Variants in ITPRID2 observed in about 807,000 individuals in gnomAD.
The protein encoded by ITPRID2 is protein ITPRID2.
Under a neutral mutation model 124.3 loss-of-function variants are expected in ITPRID2, and 60 were observed. The ratio of observed to expected loss-of-function variants is 0.48; its 90% CI spans 0.39 to 0.60. The LOEUF is 0.60. Ranked by LOEUF, ITPRID2 falls within the 20% of genes least tolerant of loss-of-function variation. The pLI is 0.00. For missense variants in ITPRID2, 1,553 were observed against 1,512.2 expected (o/e 1.03, Z -0.45); for synonymous variants, 521 against 542.9 (o/e 0.96, Z 0.56).
chr2:181,925,605 GATTC>G (rs979275191), intron 16 of ITPRID2, among the ~76,000 whole-genome samples: 11 of 151,976 alleles, frequency 7.2e-5, no homozygotes, highest in African/African-American at 2.4e-4. Context: ...CTCTCTCATT[GATTC>G]ATTCATTCAG....
At chr2:181,899,708 G>T (rs1692503556) in intron 6 of ITPRID2, among the ~76,000 whole-genome samples, 1 of 152,162 alleles carries the variant, frequency 6.6e-6, no homozygotes, top group Non-Finnish European at 1.5e-5. Context: ...GCTGGGTATG[G>T]TGGGATCCAC....
chr2:181,905,680 C>CT lies in ITPRID2; in HGVS notation c.1413+3220dup. On this transcript the variant is annotated intron_variant, in intron 8 of 17. Transcript: ENST00000431877. The surrounding 1 kb of genome is among the most constrained non-coding windows in gnomAD (Gnocchi z 4.1). The stretch of plus-strand genomic sequence containing the variant: ...AACCATTATTGGATATACACATAAT[C>CT]TTTTTTAAGCTACTGATGTGTTAGT... Among the ~76,000 whole-genome samples the CT allele has an allele frequency of 6.6e-6, 1 of 152,230 alleles. No homozygotes were observed. The highest frequency in any genetic ancestry group is 1.5e-5 in the Non-Finnish European group (1 of 68,002).
chr2:181,896,065 G>A lies in ITPRID2; in HGVS notation c.293G>A (p.Ser98Asn), dbSNP rs774965211. The change falls in exon 3 of 18, where the codon AGT (serine) becomes AAT (asparagine). Residue 98 changes from serine (S) to asparagine (N), a missense_variant. Coordinates refer to ENST00000431877, the MANE Select transcript of ITPRID2 (RefSeq NM_001130445.3). The surrounding 1 kb of genome is among the most constrained non-coding windows in gnomAD (Gnocchi z 4.3). ...GGAGCCTCACTGGATGAACAAAGCAGTAGTACACTCAAGGGTAAGAGAAGG... is the reference window on the plus strand; with the variant it reads ...GGAGCCTCACTGGATGAACAAAGCAATAGTACACTCAAGGGTAAGAGAAGG... Reference protein sequence around the residue: ...PLGASLDEQSSSTLKGVLVRN... With the variant: ...PLGASLDEQSNSTLKGVLVRN... The A allele has an allele frequency of 2.1e-5, 34 of 1,612,730 alleles. No homozygotes were observed. The highest frequency in any genetic ancestry group is 2.9e-5 in the Non-Finnish European group (34 of 1,178,974).
chr2:181,911,574 C>G (rs1693607357), intron 9 of ITPRID2, among the ~76,000 whole-genome samples: 1 of 152,020 alleles, frequency 6.6e-6, no homozygotes, highest in African/African-American at 2.4e-5. Context: ...AGATTTTTTT[C>G]TCACTTTAAT....
In ITPRID2 at chr2:181,899,016, A is replaced by G. The variant is rs747789813; in HGVS notation, c.407A>G (p.Asn136Ser). 2.7e-5 allele frequency: 44 copies of G among 1,609,556 alleles called. 1 individual carries two copies. The South Asian group carries it at 4.7e-4, about 17-fold the overall frequency. ...HESDAQIENC[N>S]NILAKERRLQ... ...ATATAATCTGATTTTGTTCGTAGCA[A>G]TAATATCTTGGCCAAAGAGAGAAGA... The change falls in exon 6 of 18, where the codon AAT (asparagine) becomes AGT (serine). Residue 136 changes from asparagine to serine, a missense_variant and splice_region_variant. Coordinates refer to ENST00000431877, the MANE Select transcript of ITPRID2 (RefSeq NM_001130445.3).
chr2:181,896,843 A>T lies in ITPRID2; in HGVS notation c.308-65A>T, dbSNP rs1357342603. ...TTTGCTGGGTGAATTTAACTAAAAC[A>T]GTGATTTTATATGAGGGTGGAGAGG... On this transcript the variant is annotated intron_variant, in intron 3 of 17. Transcript: ENST00000431877. The surrounding 1 kb of genome is among the most constrained non-coding windows in gnomAD (Gnocchi z 4.3). 7.8e-7 allele frequency: 1 copy of T among 1,276,432 alleles called. No homozygotes were observed. The highest frequency in any genetic ancestry group is 1.2e-5 in the South Asian group (1 of 81,468). 79.1% of individuals were successfully genotyped at this position (1,276,432 alleles called of 1,614,324 possible).
chr2:181,892,780 A>G lies in ITPRID2; in HGVS notation c.257+120A>G. The G allele has an allele frequency of 8.4e-7, 1 of 1,184,538 alleles. No homozygotes were observed. Among genetic ancestry groups the G allele is most frequent in the African/African-American group, 1.5e-5 (1 of 65,914 alleles). 73.4% of individuals were successfully genotyped at this position (1,184,538 alleles called of 1,614,324 possible). On this transcript the variant is annotated intron_variant, in intron 2 of 17. Coordinates refer to ENST00000431877, the MANE Select transcript of ITPRID2 (RefSeq NM_001130445.3). The surrounding 1 kb of genome is among the most constrained non-coding windows in gnomAD (Gnocchi z 5.2). ...CGACCGTTGTAAGCTACAAACCGGA[A>G]AGTGAGCCGGCGGATAGCTTCCTCC...
Position 181,896,643 on chromosome 2 carries a change from A to G in ITPRID2, c.308-265A>G, listed in dbSNP as rs1692226096. On this transcript the variant is annotated intron_variant, in intron 3 of 17. Transcript: ENST00000431877. The surrounding 1 kb of genome is among the most constrained non-coding windows in gnomAD (Gnocchi z 4.3). ...CTCTTGGTATGTAGTCTGATTGAAC[A>G]TCTTCAAAAATATAAGTTTAAAACA... 6.6e-6 allele frequency among the ~76,000 whole-genome samples: 1 copy of G among 152,020 alleles called. No homozygotes were observed. The highest frequency in any genetic ancestry group is 1.5e-5 in the Non-Finnish European group (1 of 67,866).
Position 181,915,065 on chromosome 2 carries a change from G to C in ITPRID2, c.1576-151G>C. The C allele has an allele frequency of 3.7e-6, 3 of 803,256 alleles. No individual in the cohort carries two copies. The South Asian group carries it at 5.4e-5, about 15-fold the overall frequency. The allele number at this position is 803,256 out of a possible 1,614,324, so 49.8% of individuals were successfully genotyped here. A position where few individuals can be genotyped will look rare whatever the true frequency, so the allele number is the denominator to read the frequency against. On this transcript the variant is annotated intron_variant, in intron 10 of 17. Coordinates refer to ENST00000431877, the MANE Select transcript of ITPRID2 (RefSeq NM_001130445.3). ...GAGAGGAAGGAGGGATGTGGTTGCTGCTCAGGAGCAATAAAACAATTTTGA... is the reference window on the plus strand; with the variant it reads ...GAGAGGAAGGAGGGATGTGGTTGCTCCTCAGGAGCAATAAAACAATTTTGA...
chr2:181,929,462 G>GTA lies in ITPRID2; in HGVS notation c.*14-91_*14-90dup, dbSNP rs1424282984. The stretch of plus-strand genomic sequence containing the variant: ...GATTACAGGATAATCATGTTTCTGT[G>GTA]TATATATATTTGCATAAAATTCTCA... On this transcript the variant is annotated intron_variant, in intron 17 of 17. Transcript: ENST00000431877. 1.6e-5 allele frequency: 11 copies of GTA among 707,146 alleles called. No homozygotes were observed. The African/African-American group carries it at 2.0e-4, about 13-fold the overall frequency. The allele number at this position is 707,146 out of a possible 1,614,324, so 43.8% of individuals were successfully genotyped here. A position where few individuals can be genotyped will look rare whatever the true frequency, so the allele number is the denominator to read the frequency against.
In ITPRID2 at chr2:181,907,301, A is replaced by G. The variant is rs574375731; in HGVS notation, c.1414-2598A>G. 9.2e-5 allele frequency among the ~76,000 whole-genome samples: 14 copies of G among 152,316 alleles called. No homozygotes were observed. In the South Asian group the frequency reaches 2.9e-3, roughly 32 times the overall value. ...AGTGAGTGCCTGTCATTTTAGCAGA[A>G]CATTGATTTAGAAAGATACAGTCAT... is the stretch of plus-strand genomic sequence containing the variant. On this transcript the variant is annotated intron_variant, in intron 8 of 17. Coordinates refer to ENST00000431877, the MANE Select transcript of ITPRID2 (RefSeq NM_001130445.3). The surrounding 1 kb of genome is among the most constrained non-coding windows in gnomAD (Gnocchi z 5.1).
chr2:181,926,312 T>G (rs1312678990), intron 16 of ITPRID2, among the ~76,000 whole-genome samples: 1 of 152,200 alleles, frequency 6.6e-6, no homozygotes, highest in East Asian at 1.9e-4. Flanking sequence ...ATTCATTTTG[T>G]GTCCATTGAG....
intron 9 of ITPRID2, among the ~76,000 whole-genome samples, chr2:181,913,609 G>A (rs1693796298): frequency 6.6e-6 from 1 of 152,152 alleles, no homozygotes; most frequent in Non-Finnish European, 1.5e-5. Flanking sequence ...AATACCGAGA[G>A]ATTCTAATAG....
Position 181,919,572 on chromosome 2 carries a change from T to G in ITPRID2, c.3144+126T>G, listed in dbSNP as rs1036510144. Reference sequence around the variant, plus strand: ...TGGTATTAAAAGCATGCATACTGTTTAAGGAGCTTTCCCACAAATCAGTTG... The same window carrying G: ...TGGTATTAAAAGCATGCATACTGTTGAAGGAGCTTTCCCACAAATCAGTTG... On this transcript the variant is annotated intron_variant, in intron 14 of 17. Coordinates refer to ENST00000431877, the MANE Select transcript of ITPRID2 (RefSeq NM_001130445.3). The surrounding 1 kb of genome is among the most constrained non-coding windows in gnomAD (Gnocchi z 4.2). 2.1e-6 allele frequency: 2 copies of G among 966,496 alleles called. No individual in the cohort carries two copies. Among genetic ancestry groups the G allele is most frequent in the East Asian group, 2.9e-5 (1 of 34,832 alleles). 59.9% of individuals were successfully genotyped at this position (966,496 alleles called of 1,614,324 possible). A position where few individuals can be genotyped will look rare whatever the true frequency, so the allele number is the denominator to read the frequency against.
chr2:181,911,729 G>A (rs916253624), intron 9 of ITPRID2, among the ~76,000 whole-genome samples: 1 of 152,198 alleles, frequency 6.6e-6, no homozygotes, highest in Non-Finnish European at 1.5e-5. Flanking sequence ...AACCTAGATT[G>A]TGATTTATGG....
rs1418347543 is a variant in ITPRID2 at position 181,896,253 on chromosome 2, G to A, written c.307+174G>A. Among the ~76,000 whole-genome samples the A allele has an allele frequency of 1.3e-5, 2 of 152,026 alleles. No individual in the cohort carries two copies. Among genetic ancestry groups the A allele is most frequent in the Non-Finnish European group, 2.9e-5 (2 of 67,890 alleles). On this transcript the variant is annotated intron_variant, in intron 3 of 17. Coordinates refer to ENST00000431877, the MANE Select transcript of ITPRID2 (RefSeq NM_001130445.3). The surrounding 1 kb of genome is among the most constrained non-coding windows in gnomAD (Gnocchi z 4.3). ...GTTATAAACCGTAAAACAGTAGGGA[G>A]TTTAAGCAAATTGCCTAGCCTTTTC...
At position 181,929,764 on chromosome 2, in the gene ITPRID2, A is replaced by G; in HGVS notation, c.*217A>G. 1 of 625,292 alleles carries G rather than the reference A, an allele frequency of 1.6e-6. No individual in the cohort carries two copies. Among genetic ancestry groups the G allele is most frequent in the Admixed American group, 3.2e-5 (1 of 31,586 alleles). The allele number at this position is 625,292 out of a possible 1,614,324, so 38.7% of individuals were successfully genotyped here. The stretch of plus-strand genomic sequence containing the variant: ...TGCTATTTCTTTTCTAAACTATCAA[A>G]AACTCTAGCAGTTTGAAAAGCCTAA... On this transcript the variant is annotated 3_prime_UTR_variant, in exon 18 of 18. Transcript: ENST00000431877.
chr2:181,915,089 G>GAGCA, intron 10 of ITPRID2, 127 bp from the exon 11 acceptor site: 1 of 1,087,348 alleles, frequency 9.2e-7, no homozygotes, highest in Non-Finnish European at 1.3e-6. Flanking sequence ...AAACAATTTT[G>GAGCA]AGCAACAGCA....
At chr2:181,909,343 T>C (rs1693413288) in intron 8 of ITPRID2, among the ~76,000 whole-genome samples, 4 of 152,230 alleles carry the variant, frequency 2.6e-5, no homozygotes, top group African/African-American at 9.6e-5. Flanking sequence ...CACTGTGTTC[T>C]ATTTTCAAAG....
Sources: gnomAD v4.1 joint callset for allele counts (sites outside exome capture counted in the v4.1 genomes callset) on GRCh38, gnomAD v4.1.1 for gene constraint, Gnocchi (gnomAD v3.1) non-coding constraint, MANE v1.5 for transcripts, NCBI Gene and HGNC (gene_info 2026-07-23, HGNC 2026-07-21) for gene names.